CCDC148: variants seen among roughly 807,000 people sequenced by gnomAD.
CCDC148 encodes the protein coiled-coil domain-containing protein 148.
CCDC148 carries 89 observed loss-of-function variants against 85.7 expected under a neutral mutation model. That is an observed-to-expected ratio of 1.04 (90% CI 0.87 to 1.24). The LOEUF is 1.24. Among genes scored for constraint, CCDC148 ranks in the 50% most tolerant of loss-of-function variants. The pLI is 0.00. For synonymous variants in CCDC148, 230 were observed against 213.9 expected (o/e 1.08, Z -0.66); for missense variants, 692 against 671.7 (o/e 1.03, Z -0.33).
chr2:158,311,542 G>C (rs1241587936), intron 8 of CCDC148, among the ~76,000 whole-genome samples: 1 of 152,196 alleles, frequency 6.6e-6, no homozygotes, highest in Non-Finnish European at 1.5e-5. Context: ...AGAGGGAGGA[G>C]AGGGAGAGCT....
Position 158,381,337 on chromosome 2 carries a change from T to C in CCDC148, c.26-22767A>G, listed in dbSNP as rs534403991. Among the ~76,000 whole-genome samples, 503 of 152,274 alleles carry C rather than the reference T, an allele frequency of 3.3e-3. 3 individuals are homozygous for C. Among genetic ancestry groups the C allele is most frequent in the Admixed American group, 5.1e-3 (78 of 15,280 alleles). On this transcript the variant is annotated intron_variant, in intron 1 of 13. Coordinates refer to ENST00000283233, the MANE Select transcript of CCDC148 (RefSeq NM_138803.4). ...CAACAGACACTCCACAATAAAAGGATACCCAAGTGGCCAATAAACATATTA... is the reference window on the plus strand; with the variant it reads ...CAACAGACACTCCACAATAAAAGGACACCCAAGTGGCCAATAAACATATTA...
intron 1 of CCDC148, among the ~76,000 whole-genome samples, chr2:158,431,973 C>T (rs7585461): frequency 0.17 from 25,236 of 151,628 alleles, 2,231 homozygotes; most frequent in Middle Eastern, 0.22. Context: ...CACTGTTTAC[C>T]ACACATATAC....
chr2:158,331,162 C>G (rs540541398), intron 7 of CCDC148, among the ~76,000 whole-genome samples: 2 of 152,108 alleles, frequency 1.3e-5, no homozygotes, highest in African/African-American at 2.4e-5. Context: ...ATAAATTTTC[C>G]TCTACACACT....
intron 1 of CCDC148, among the ~76,000 whole-genome samples, chr2:158,435,450 C>G (rs933128305): frequency 2.6e-5 from 4 of 152,290 alleles, no homozygotes; most frequent in Admixed American, 2.0e-4. Flanking sequence ...CACCACCAGT[C>G]CTGCCTTACA....
chr2:158,356,665 C>CA (rs1307944171), intron 2 of CCDC148, among the ~76,000 whole-genome samples: 10 of 146,316 alleles, frequency 6.8e-5, no homozygotes, highest in African/African-American at 2.5e-4. Context: ...TTGTGGAAGT[C>CA]AGTGTGGCGA....
At chr2:158,338,559 T>C (rs1682505647) in intron 7 of CCDC148, 167 bp downstream of exon 7, 2 of 534,474 alleles carry the variant, frequency 3.7e-6, no homozygotes, top group Non-Finnish European at 6.3e-6. Flanking sequence ...AGAAATTTTT[T>C]TGAAAAAATA....
At chr2:158,347,339 A>T (rs1399839910) in intron 2 of CCDC148, among the ~76,000 whole-genome samples, 1 of 152,166 alleles carries the variant, frequency 6.6e-6, no homozygotes, top group Admixed American at 6.5e-5. Context: ...AGACTATAAA[A>T]GTCAAAATAA....
intron 9 of CCDC148, among the ~76,000 whole-genome samples, chr2:158,283,998 T>C (rs201563857): frequency 0.17 from 24,597 of 147,694 alleles, 2,364 homozygotes; most frequent in Middle Eastern, 0.24. Flanking sequence ...AAATTGGAAA[T>C]CATCATTCTC....
intron 9 of CCDC148, among the ~76,000 whole-genome samples, chr2:158,260,690 CA>C (rs1301832135): frequency 6.6e-6 from 1 of 151,994 alleles, no homozygotes; most frequent in Non-Finnish European, 1.5e-5. Context: ...AATCAATGTA[CA>C]AAAATCACTA....
intron 7 of CCDC148, among the ~76,000 whole-genome samples, chr2:158,326,857 T>C (rs1344808105): frequency 6.6e-6 from 1 of 152,156 alleles, no homozygotes; most frequent in Non-Finnish European, 1.5e-5. Context: ...GTTTCAGACA[T>C]GAAAAAGCAA....
intron 9 of CCDC148, among the ~76,000 whole-genome samples, chr2:158,278,951 C>A (rs189783566): frequency 1.3e-5 from 2 of 152,182 alleles, no homozygotes; most frequent in East Asian, 3.9e-4. Context: ...AACGATCACA[C>A]AGCAGCATTC....
chr2:158,236,348 G>A (rs1688107204), intron 10 of CCDC148, among the ~76,000 whole-genome samples: 1 of 152,032 alleles, frequency 6.6e-6, no homozygotes, highest in Non-Finnish European at 1.5e-5. Flanking sequence ...AATGCCAGGT[G>A]GATTAAAAAA....
At chr2:158,334,662 T>A (rs2105236535) in intron 7 of CCDC148, among the ~76,000 whole-genome samples, 1 of 152,206 alleles carries the variant, frequency 6.6e-6, no homozygotes, top group South Asian at 2.1e-4. Flanking sequence ...ATCTCTTTAA[T>A]AATCTGATAT....
Position 158,360,950 on chromosome 2 carries a change from C to G in CCDC148, c.26-2380G>C, listed in dbSNP as rs186383578. ...TGAAAAAACTTAGTTGAACTGCTAA[C>G]TAGAATAACCAGTTTAGAGAAGAAC... On this transcript the variant is annotated intron_variant, in intron 1 of 13. Coordinates refer to ENST00000283233, the MANE Select transcript of CCDC148 (RefSeq NM_138803.4). Among the ~76,000 whole-genome samples the G allele has an allele frequency of 7.2e-5, 11 of 151,892 alleles. No homozygotes were observed. The East Asian group carries it at 2.2e-3, about 30-fold the overall frequency.
intron 9 of CCDC148, among the ~76,000 whole-genome samples, chr2:158,302,405 C>A (rs954810432): frequency 5.3e-5 from 8 of 152,038 alleles, no homozygotes; most frequent in African/African-American, 1.9e-4. Flanking sequence ...GAAAGCCTCT[C>A]ATGTGGCATT....
intron 11 of CCDC148, among the ~76,000 whole-genome samples, chr2:158,180,190 A>C (rs573901268): frequency 6.6e-6 from 1 of 152,214 alleles, no homozygotes; most frequent in South Asian, 2.1e-4. Flanking sequence ...TGCATTTTCC[A>C]AGGTGGAGAC....
At chr2:158,311,414 C>T (rs574201837) in intron 8 of CCDC148, among the ~76,000 whole-genome samples, 29 of 151,242 alleles carry the variant, frequency 1.9e-4, no homozygotes, top group Non-Finnish European at 2.6e-4. Flanking sequence ...GAGCCGAGAT[C>T]GCGGCAGTAC....
intron 9 of CCDC148, among the ~76,000 whole-genome samples, chr2:158,279,835 A>C (rs1690175435): frequency 6.6e-6 from 1 of 151,886 alleles, no homozygotes; most frequent in East Asian, 1.9e-4. Flanking sequence ...CAGATTCACC[A>C]AAGTTGAAAT....
Position 158,172,003 on chromosome 2 carries a change from T to C in CCDC148, c.*110A>G. The C allele has an allele frequency of 1.2e-6, 1 of 857,196 alleles. No individual in the cohort carries two copies. The highest frequency in any genetic ancestry group is 1.7e-6 in the Non-Finnish European group (1 of 574,160). 53.1% of individuals were successfully genotyped at this position (857,196 alleles called of 1,614,324 possible). A position where few individuals can be genotyped will look rare whatever the true frequency, so the allele number is the denominator to read the frequency against. ...GGCAAAGTTGTTTTAATAGATGCTATGATTTCTATGTCTGATATTTCAAAC... is the reference window on the plus strand; with the variant it reads ...GGCAAAGTTGTTTTAATAGATGCTACGATTTCTATGTCTGATATTTCAAAC... On this transcript the variant is annotated 3_prime_UTR_variant, in exon 14 of 14. Coordinates refer to ENST00000283233, the MANE Select transcript of CCDC148 (RefSeq NM_138803.4).
Sources: gnomAD v4.1 joint callset for allele counts (sites outside exome capture counted in the v4.1 genomes callset) on GRCh38, gnomAD v4.1.1 for gene constraint, MANE v1.5 for transcripts, NCBI Gene and HGNC (gene_info 2026-07-23, HGNC 2026-07-21) for gene names.